Variants in KANK1 observed in about 807,000 individuals in gnomAD.
KANK1 encodes KN motif and ankyrin repeat domain-containing protein 1.
In KANK1, 109 loss-of-function variants were observed where a neutral mutation model predicts 106.2. The observed-to-expected ratio is 1.03, with a 90% CI of 0.88 to 1.20. KANK1 has a LOEUF of 1.20. Among genes scored for constraint, KANK1 ranks in the 50% most tolerant of loss-of-function variants. The pLI is 0.00. For missense variants in KANK1, 2,399 were observed against 1,710.7 expected, an observed-to-expected ratio of 1.40 and a Z score of -7.10; for synonymous variants, 873 against 652.2, an observed-to-expected ratio of 1.34 and a Z score of -5.16.
chr9:600,747 T>C (rs1048577715), intron 1 of KANK1, among the ~76,000 whole-genome samples: 3 of 151,808 alleles, frequency 2.0e-5, no homozygotes, highest in African/African-American at 7.3e-5. Context: ...AGCTTTGGAT[T>C]TTATGCCAAA....
Position 732,479 on chromosome 9 carries a change from A to G in KANK1, c.3107A>G (p.Glu1036Gly). 1.2e-6 allele frequency: 2 copies of G among 1,614,026 alleles called. No individual in the cohort carries two copies. Among genetic ancestry groups the G allele is most frequent in the Non-Finnish European group, 1.7e-6 (2 of 1,179,976 alleles). The change falls in exon 6 of 12, where the codon GAG becomes GGG. Residue 1036 changes from glutamate to glycine, a missense_variant. By Grantham distance (98) the Glu-to-Gly change is moderately conservative. Coordinates refer to ENST00000382297, the MANE Select transcript of KANK1 (RefSeq NM_015158.5). ...DVIEYPLEEE[E>G]EEEDEDTRGM... The stretch of plus-strand genomic sequence containing the variant: ...ATTGAGTATCCTCTTGAAGAAGAGG[A>G]GGAGGAGGAGGATGAAGACACTCGG...
intron 1 of KANK1, among the ~76,000 whole-genome samples, chr9:596,148 C>CA (rs1826152984): frequency 6.6e-6 from 1 of 151,828 alleles, no homozygotes; most frequent in South Asian, 2.1e-4. Flanking sequence ...TAACCTGTCA[C>CA]ATGAGGTCAG....
intron 1 of KANK1, among the ~76,000 whole-genome samples, chr9:673,195 G>GTCT (rs1316450947): frequency 7.6e-6 from 1 of 131,626 alleles, no homozygotes; most frequent in Admixed American, 8.0e-5. Context: ...CAGTGACAGT[G>GTCT]TCTTCTTTTT....
chr9:510,650 G>T (rs373758787), intron 1 of KANK1, among the ~76,000 whole-genome samples: 70 of 152,316 alleles, frequency 4.6e-4, no homozygotes, highest in African/African-American at 1.5e-3. Flanking sequence ...CAGTGGGGTT[G>T]GTGATGCTGG....
intron 1 of KANK1, among the ~76,000 whole-genome samples, chr9:584,585 C>G (rs1588031482): frequency 6.6e-6 from 1 of 152,294 alleles, no homozygotes; most frequent in South Asian, 2.1e-4. Context: ...AAGTAACTAT[C>G]ATTTACCTAC....
intron 2 of KANK1, among the ~76,000 whole-genome samples, chr9:698,898 G>C (rs145717139): frequency 4.3e-4 from 66 of 152,248 alleles, no homozygotes; most frequent in African/African-American, 1.6e-3. Flanking sequence ...TCACTCCCTT[G>C]TTTAAAACCC....
Position 741,224 on chromosome 9 carries a change from C to G in KANK1, c.3696+290C>G, listed in dbSNP as rs7048314. Reference sequence around the variant, plus strand: ...TAGTTCCCCTACATATAAATGATTGCGCATCCCCATCAGATGCTCAGTGAC... The same window carrying G: ...TAGTTCCCCTACATATAAATGATTGGGCATCCCCATCAGATGCTCAGTGAC... On this transcript the variant is annotated intron_variant, in intron 9 of 11. Coordinates refer to ENST00000382297, the MANE Select transcript of KANK1 (RefSeq NM_015158.5). 0.63 allele frequency among the ~76,000 whole-genome samples: 95,253 copies of G among 152,000 alleles called. 30,581 individuals carry two copies. The highest frequency in any genetic ancestry group is 0.75 in the African/African-American group (31,252 of 41,476).
intron 1 of KANK1, among the ~76,000 whole-genome samples, chr9:608,033 TA>T (rs201367327): frequency 2.8e-3 from 245 of 86,914 alleles, no homozygotes; most frequent in Middle Eastern, 5.2e-3. Context: ...TTATTATTAT[TA>T]TTTTTTTTTT....
intron 1 of KANK1, among the ~76,000 whole-genome samples, chr9:516,922 T>G (rs2059303213): frequency 6.6e-6 from 1 of 150,904 alleles, no homozygotes; most frequent in Non-Finnish European, 1.5e-5. Flanking sequence ...ACGAAGAAAT[T>G]TGTCCTAATG....
intron 1 of KANK1, among the ~76,000 whole-genome samples, chr9:650,359 C>T (rs868476563): frequency 5.3e-5 from 8 of 152,106 alleles, no homozygotes; most frequent in Admixed American, 3.9e-4. Context: ...ATTTTTAGTG[C>T]GATTCCTCTT....
chr9:503,250 G>C (rs1300895844), upstream of KANK1, among the ~76,000 whole-genome samples: 1 of 151,974 alleles, frequency 6.6e-6, no homozygotes, highest in Non-Finnish European at 1.5e-5. Flanking sequence ...GCGGGGTGGT[G>C]GTGGTGGGGG....
At chr9:734,563 G>C (rs1371787484) in intron 6 of KANK1, 185 bp from the exon 7 acceptor site, 8 of 477,478 alleles carry the variant, frequency 1.7e-5, no homozygotes, top group African/African-American at 1.6e-4. Context: ...CTACTAGGGA[G>C]GCTGAGGCAG....
Position 509,299 on chromosome 9 carries a change from T to C in KANK1, c.-84+4545T>C, listed in dbSNP as rs189012833. ...TTTTAGTAGACACGGGGTTTCACCA[T>C]GTTGGCCGGGATGGTCTCCATCTCC... On this transcript the variant is annotated intron_variant, in intron 1 of 11. Transcript: ENST00000382297. Among the ~76,000 whole-genome samples the C allele has an allele frequency of 6.6e-5, 10 of 152,316 alleles. No homozygotes were observed. The East Asian group carries it at 1.9e-3, about 29-fold the overall frequency.
chr9:513,339 C>G (rs1279728394), intron 1 of KANK1, among the ~76,000 whole-genome samples: 1 of 152,172 alleles, frequency 6.6e-6, no homozygotes, highest in African/African-American at 2.4e-5. Context: ...AATAAGTGCT[C>G]TCTTGCTTTT....
At chr9:627,837 A>G (rs1834720380) in intron 1 of KANK1, among the ~76,000 whole-genome samples, 2 of 152,230 alleles carry the variant, frequency 1.3e-5, no homozygotes, top group Admixed American at 1.3e-4. Context: ...GCCCTCAGGA[A>G]TTTTAGGCCA....
In KANK1 at chr9:712,562, T is replaced by C. The variant is rs550831896; in HGVS notation, c.1796T>C (p.Val599Ala). The C allele has an allele frequency of 1.3e-5, 21 of 1,614,104 alleles. No individual in the cohort carries two copies. In the South Asian group the frequency reaches 2.1e-4, roughly 16 times the overall value. Residue 599 changes from valine to alanine, a missense_variant, in exon 3 of 12, where the codon GTC (valine) becomes GCC (alanine). Physicochemically the swap from Val to Ala is moderately conservative, Grantham distance 64. Transcript: ENST00000382297. ...AAGAGTGTGAGTGTGGAAGTCAGCGTCTGCGAAACAGGCAGCAACACAGAG... is the reference window on the plus strand; with the variant it reads ...AAGAGTGTGAGTGTGGAAGTCAGCGCCTGCGAAACAGGCAGCAACACAGAG... The part of the protein sequence containing the change: ...CDKSVSVEVS[V>A]CETGSNTEES...
At chr9:549,843 TC>T (rs1346701569) in intron 1 of KANK1, 1 of 152,218 alleles carries the variant, frequency 6.6e-6, no homozygotes, top group Non-Finnish European at 1.5e-5. Context: ...GCCCGGTTCT[TC>T]CTGGGACTGC....
At chr9:641,947 A>G (rs1480884306) in intron 1 of KANK1, among the ~76,000 whole-genome samples, 1 of 152,182 alleles carries the variant, frequency 6.6e-6, no homozygotes, top group East Asian at 1.9e-4. Context: ...ACCCCAAAAA[A>G]GAAAACCCAT....
chr9:589,828 G>T (rs1824396831), intron 1 of KANK1, among the ~76,000 whole-genome samples: 5 of 152,158 alleles, frequency 3.3e-5, no homozygotes. Context: ...GTATCTGTGT[G>T]GGAAATGGGC....
Sources: allele counts gnomAD v4.1 joint callset (sites outside exome capture counted in the v4.1 genomes callset), GRCh38; gene constraint gnomAD v4.1.1; transcripts MANE v1.5; gene names NCBI Gene and HGNC (gene_info 2026-07-23, HGNC 2026-07-21).